Variants in CSMD1 observed in about 807,000 individuals in gnomAD.
CSMD1 encodes the protein CUB and sushi domain-containing protein 1.
A neutral mutation model predicts 417.5 loss-of-function variants in CSMD1; 213 were observed. The ratio of observed to expected loss-of-function variants is 0.51; its 90% CI spans 0.46 to 0.57. The LOEUF is 0.57. CSMD1 is among the 20% of genes least tolerant of loss of function. The probability of loss-of-function intolerance (pLI) is 0.00; values close to 1 mark genes in which losing one functional copy is unlikely to be tolerated. For missense variants in CSMD1, 6,923 were observed against 4,529.7 expected (o/e 1.53, Z -15.17); for synonymous variants, 2,862 against 1,736.8 (o/e 1.65, Z -16.11).
chr8:3,305,973 C>T (rs1804805662), intron 25 of CSMD1, among the ~76,000 whole-genome samples: 2 of 152,146 alleles, frequency 1.3e-5, no homozygotes, highest in Admixed American at 1.3e-4. Context: ...AGCCACTGCA[C>T]CCGGCCCCAC....
chr8:4,068,383 G>C (rs2042527), intron 3 of CSMD1, among the ~76,000 whole-genome samples: 1 of 151,920 alleles, frequency 6.6e-6, no homozygotes, highest in South Asian at 2.1e-4. Context: ...CCATGGGAGT[G>C]TGACTTTTAT....
intron 3 of CSMD1, among the ~76,000 whole-genome samples, chr8:4,227,031 G>C (rs989009783): frequency 3.9e-5 from 6 of 152,118 alleles, no homozygotes; most frequent in Non-Finnish European, 8.8e-5. Flanking sequence ...AGGTGAGATG[G>C]GTCTGTATCA....
At chr8:3,781,440 T>G (rs1447066146) in intron 5 of CSMD1, among the ~76,000 whole-genome samples, 1 of 152,052 alleles carries the variant, frequency 6.6e-6, no homozygotes, top group African/African-American at 2.4e-5. Context: ...TCTGGGGGGT[T>G]TCCTCTCAGA....
At chr8:3,439,307 A>T (rs201942544) in intron 12 of CSMD1, among the ~76,000 whole-genome samples, 13,056 of 43,540 alleles carry the variant, frequency 0.3, 1,253 homozygotes, top group African/African-American at 0.31. Flanking sequence ...ATATATATAT[A>T]TATTTTTTTT....
intron 15 of CSMD1, among the ~76,000 whole-genome samples, chr8:3,400,178 G>A (rs977320120): frequency 6.6e-6 from 1 of 152,118 alleles, no homozygotes; most frequent in Non-Finnish European, 1.5e-5. Context: ...AAGTGATTAT[G>A]CATACCTGTA....
intron 10 of CSMD1, among the ~76,000 whole-genome samples, chr8:3,521,838 T>C (rs1475327956): frequency 6.6e-6 from 1 of 152,218 alleles, no homozygotes; most frequent in Admixed American, 6.5e-5. Flanking sequence ...AAGAAATGTA[T>C]ATTATCATAC....
intron 2 of CSMD1, among the ~76,000 whole-genome samples, chr8:4,551,441 C>T (rs1369886948): frequency 6.6e-6 from 1 of 152,232 alleles, no homozygotes; most frequent in Non-Finnish European, 1.5e-5. Context: ...CACTTAGATC[C>T]TCTCATTCTT....
intron 5 of CSMD1, among the ~76,000 whole-genome samples, chr8:3,777,336 G>A (rs866774000): frequency 8.5e-5 from 13 of 152,062 alleles, no homozygotes; most frequent in Middle Eastern, 3.2e-3. Flanking sequence ...TACTCACACA[G>A]TGCTCCAGAC....
chr8:4,542,580 G>C (rs776018028), intron 2 of CSMD1, among the ~76,000 whole-genome samples: 18 of 152,130 alleles, frequency 1.2e-4, no homozygotes, highest in Non-Finnish European at 1.5e-4. Flanking sequence ...AGTATTTTAT[G>C]TTATTGCTAA....
chr8:3,523,203 A>C (rs1048278909), intron 10 of CSMD1, among the ~76,000 whole-genome samples: 2 of 152,350 alleles, frequency 1.3e-5, no homozygotes, highest in East Asian at 3.9e-4. Flanking sequence ...AACTGTGTCC[A>C]TAATTATCCC....
At chr8:4,722,679 G>A (rs1391393224) in intron 1 of CSMD1, among the ~76,000 whole-genome samples, 1 of 152,034 alleles carries the variant, frequency 6.6e-6, no homozygotes, top group African/African-American at 2.4e-5. Flanking sequence ...GAAAAAAAAA[G>A]TTTCTAATTT....
chr8:3,891,492 C>A (rs1247756876), intron 5 of CSMD1, among the ~76,000 whole-genome samples: 1 of 151,974 alleles, frequency 6.6e-6, no homozygotes, highest in Non-Finnish European at 1.5e-5. Context: ...CCACCCTGGA[C>A]AACATAACAA....
intron 1 of CSMD1, among the ~76,000 whole-genome samples, chr8:4,905,632 A>C (rs1585301098): frequency 6.6e-6 from 1 of 151,864 alleles, no homozygotes; most frequent in Non-Finnish European, 1.5e-5. Flanking sequence ...ATCCTGGCTA[A>C]CACGGTGAAA....
chr8:2,982,601 C>G (rs1805519865), intron 54 of CSMD1, among the ~76,000 whole-genome samples: 1 of 152,162 alleles, frequency 6.6e-6, no homozygotes, highest in South Asian at 2.1e-4. Context: ...CGTGGCATGC[C>G]TCACACCGTA....
At chr8:4,157,610 T>C (rs886968589) in intron 3 of CSMD1, among the ~76,000 whole-genome samples, 2 of 152,182 alleles carry the variant, frequency 1.3e-5, no homozygotes, top group African/African-American at 4.8e-5. Context: ...AATGCAAATC[T>C]TTCACGCAGA....
chr8:3,812,038 A>C (rs1216376485), intron 5 of CSMD1, among the ~76,000 whole-genome samples: 1 of 152,084 alleles, frequency 6.6e-6, no homozygotes, highest in Non-Finnish European at 1.5e-5. Flanking sequence ...AGTGAGAAAA[A>C]AAAAATTCCA....
chr8:3,927,540 C>G (rs1035459875), intron 5 of CSMD1, among the ~76,000 whole-genome samples: 38 of 151,958 alleles, frequency 2.5e-4, no homozygotes, highest in African/African-American at 7.5e-4. Flanking sequence ...TGGTGCATCA[C>G]TGTAATCCCA....
intron 5 of CSMD1, among the ~76,000 whole-genome samples, chr8:3,895,845 C>T (rs545449504): frequency 6.6e-6 from 1 of 152,302 alleles, no homozygotes; most frequent in Non-Finnish European, 1.5e-5. Context: ...GGCTTGTTCC[C>T]TTCCAGACAA....
rs772278048 is a variant in CSMD1 at position 3,387,502 on chromosome 8, C to T, written c.2774G>A (p.Ser925Asn). ...RNHQWNHALP[S>N]CDALCGGYIQ... ...CACTGAGCTGTACCTACCGTCGCAG[C>T]TGGGCAAGGCGTGGTTCCACTGGTG... Residue 925 changes from serine to asparagine, a missense_variant, in exon 18 of 70, where the codon AGC becomes AAC. Physicochemically the swap from Ser to Asn is conservative, Grantham distance 46 (BLOSUM62 1). Coordinates refer to ENST00000635120, the MANE Select transcript of CSMD1 (RefSeq NM_033225.6). 6 of 1,599,174 alleles carry T rather than the reference C, an allele frequency of 3.8e-6. No individual in the cohort carries two copies. The highest frequency in any genetic ancestry group is 1.1e-5 in the South Asian group (1 of 88,206).
Sources: allele counts gnomAD v4.1 joint callset (sites outside exome capture counted in the v4.1 genomes callset), GRCh38; gene constraint gnomAD v4.1.1; transcripts MANE v1.5; gene names NCBI Gene and HGNC (gene_info 2026-07-23, HGNC 2026-07-21).